GRID2: variants seen among roughly 807,000 people sequenced by gnomAD.
The protein encoded by GRID2 is glutamate receptor ionotropic, delta-2.
A neutral mutation model predicts 114.8 loss-of-function variants in GRID2; 33 were observed. The ratio of observed to expected loss-of-function variants is 0.29; its 90% CI spans 0.22 to 0.38. The LOEUF is 0.38. Ranked by LOEUF, GRID2 falls within the 10% of genes least tolerant of loss-of-function variation. The pLI is 1.00. For synonymous variants in GRID2, 505 were observed against 449.9 expected, an observed-to-expected ratio of 1.12 and a Z score of -1.55; for missense variants, 1,184 against 1,257.7, an observed-to-expected ratio of 0.94 and a Z score of 0.89.
intron 2 of GRID2, among the ~76,000 whole-genome samples, chr4:92,642,545 G>A (rs905074172): frequency 6.6e-6 from 1 of 151,824 alleles, no homozygotes; most frequent in African/African-American, 2.4e-5. Flanking sequence ...TTTGTCAGAT[G>A]CATAGTTTGC....
intron 14 of GRID2, among the ~76,000 whole-genome samples, chr4:93,722,449 T>G (rs1729466913): frequency 6.6e-6 from 1 of 152,198 alleles, no homozygotes; most frequent in Non-Finnish European, 1.5e-5. Context: ...AAATATGGCC[T>G]TATCACTAAT....
chr4:92,349,863 C>G (rs182090147), intron 1 of GRID2, among the ~76,000 whole-genome samples: 1 of 151,888 alleles, frequency 6.6e-6, no homozygotes, highest in East Asian at 1.9e-4. Flanking sequence ...AAGCCAAACA[C>G]TTTCATAACC....
At chr4:93,049,613 T>TA (rs1726500347) in intron 2 of GRID2, among the ~76,000 whole-genome samples, 1 of 151,872 alleles carries the variant, frequency 6.6e-6, no homozygotes, top group Non-Finnish European at 1.5e-5. Context: ...TATATATTTA[T>TA]TGCTATTTTA....
intron 2 of GRID2, among the ~76,000 whole-genome samples, chr4:92,921,389 T>G (rs1749324365): frequency 6.6e-6 from 1 of 152,222 alleles, no homozygotes; most frequent in Non-Finnish European, 1.5e-5. Flanking sequence ...CCATTGCTGT[T>G]GAGGAGCTGT....
At chr4:93,699,725 A>G (rs1727344067) in intron 14 of GRID2, among the ~76,000 whole-genome samples, 1 of 152,128 alleles carries the variant, frequency 6.6e-6, no homozygotes, top group Admixed American at 6.6e-5. Flanking sequence ...AGGAAAAGTT[A>G]AAGAACTGAA....
chr4:93,195,387 C>T (rs984209225), intron 4 of GRID2, among the ~76,000 whole-genome samples: 1 of 152,066 alleles, frequency 6.6e-6, no homozygotes, highest in African/African-American at 2.4e-5. Flanking sequence ...TCTGAGAAAG[C>T]ATGTGTGGAA....
intron 14 of GRID2, among the ~76,000 whole-genome samples, chr4:93,717,389 G>C (rs1405414938): frequency 6.7e-6 from 1 of 148,526 alleles, no homozygotes; most frequent in East Asian, 2.0e-4. Context: ...CCTGATGCCT[G>C]TATTGATGCT....
intron 1 of GRID2, among the ~76,000 whole-genome samples, chr4:92,482,913 A>G (rs908794381): frequency 3.3e-5 from 5 of 152,214 alleles, no homozygotes. Flanking sequence ...TTTATTTTTA[A>G]TAGCAACATC....
intron 2 of GRID2, among the ~76,000 whole-genome samples, chr4:92,899,308 C>T (rs1244086219): frequency 4.6e-5 from 7 of 151,384 alleles, no homozygotes; most frequent in Non-Finnish European, 1.0e-4. Context: ...TTCAGTTTTC[C>T]GAAAAAATTT....
intron 2 of GRID2, among the ~76,000 whole-genome samples, chr4:92,849,501 A>G (rs1414363684): frequency 6.6e-6 from 1 of 151,940 alleles, no homozygotes; most frequent in Non-Finnish European, 1.5e-5. Context: ...TATGGAGAAA[A>G]ACATATCCTA....
chr4:92,800,017 T>C lies in GRID2; in HGVS notation c.244+209731T>C, dbSNP rs183157137. 3.8e-3 allele frequency among the ~76,000 whole-genome samples: 580 copies of C among 152,116 alleles called. 4 individuals are homozygous for C. Among genetic ancestry groups the C allele is most frequent in the African/African-American group, 0.013 (537 of 41,542 alleles). ...TTGAATGAGTAAATTACAATTCCTA[T>C]AATTAATATAATTCTCATTTGCACT... is the stretch of plus-strand genomic sequence containing the variant. On this transcript the variant is annotated intron_variant, in intron 2 of 15. Transcript: ENST00000282020.
intron 13 of GRID2, among the ~76,000 whole-genome samples, chr4:93,517,705 T>C (rs1435737744): frequency 6.6e-6 from 1 of 151,942 alleles, no homozygotes; most frequent in Admixed American, 6.6e-5. Flanking sequence ...TTGAGAACTA[T>C]GACACATGGA....
Position 92,911,565 on chromosome 4 carries a change from C to CT in GRID2, c.245-173420dup, listed in dbSNP as rs548891370. On this transcript the variant is annotated intron_variant, in intron 2 of 15. Coordinates refer to ENST00000282020, the MANE Select transcript of GRID2 (RefSeq NM_001510.4). ...CAAATACTATGTCATTTGTGCATAT[C>CT]TTTTTTTTTTAACAAAACAAATTTA... Among the ~76,000 whole-genome samples the CT allele has an allele frequency of 5.8e-3, 863 of 148,328 alleles. 7 individuals carry two copies. Among genetic ancestry groups the CT allele is most frequent in the African/African-American group, 0.02 (792 of 40,584 alleles).
rs1299828594 is a variant in GRID2 at position 93,145,592 on chromosome 4, G to A, written c.735+34639G>A. Reference sequence around the variant, plus strand: ...TCCAGCCTCAGCCTCCTGAGTAGCTGGAATTACAGGTGCCTGACACCCCAC... The same window carrying A: ...TCCAGCCTCAGCCTCCTGAGTAGCTAGAATTACAGGTGCCTGACACCCCAC... On this transcript the variant is annotated intron_variant, in intron 4 of 15. Transcript: ENST00000282020. Among the ~76,000 whole-genome samples the A allele has an allele frequency of 5.5e-5, 8 of 144,606 alleles. No individual in the cohort carries two copies. The East Asian group carries it at 1.6e-3, about 29-fold the overall frequency. The allele number at this position is 144,606 out of a possible 152,430, so 94.9% of individuals were successfully genotyped here.
At chr4:92,728,833 G>C (rs1313124851) in intron 2 of GRID2, among the ~76,000 whole-genome samples, 1 of 151,690 alleles carries the variant, frequency 6.6e-6, no homozygotes, top group Non-Finnish European at 1.5e-5. Context: ...TATCATTTAT[G>C]CCACGTGAAG....
intron 2 of GRID2, among the ~76,000 whole-genome samples, chr4:92,734,157 A>G (rs1449126444): frequency 6.6e-6 from 1 of 152,150 alleles, no homozygotes. Context: ...AAAGTATTCA[A>G]AATTTTAAAT....
At chr4:93,289,890 G>GA (rs879814100) in intron 8 of GRID2, among the ~76,000 whole-genome samples, 2 of 151,962 alleles carry the variant, frequency 1.3e-5, no homozygotes, top group Non-Finnish European at 2.9e-5. Flanking sequence ...AACAATAAGG[G>GA]AAAAAAATTG....
chr4:92,733,488 A>G (rs759614966), intron 2 of GRID2, among the ~76,000 whole-genome samples: 70 of 152,046 alleles, frequency 4.6e-4, no homozygotes, highest in Non-Finnish European at 8.5e-4. Context: ...TAGTCAGGGG[A>G]CAGGACTGAA....
intron 4 of GRID2, among the ~76,000 whole-genome samples, chr4:93,133,868 A>G (rs1222153907): frequency 6.6e-6 from 1 of 152,240 alleles, no homozygotes; most frequent in African/African-American, 2.4e-5. Flanking sequence ...TTGATCTTCT[A>G]TAATGATGTG....
Sources: gnomAD v4.1 joint callset for allele counts (sites outside exome capture counted in the v4.1 genomes callset) on GRCh38, gnomAD v4.1.1 for gene constraint, MANE v1.5 for transcripts, NCBI Gene and HGNC (gene_info 2026-07-23, HGNC 2026-07-21) for gene names.